The following SLC24A2 variants were observed in gnomAD, a reference collection of about 807,000 sequenced individuals.
The protein encoded by SLC24A2 is sodium/potassium/calcium exchanger 2.
SLC24A2 carries 36 observed loss-of-function variants against 62.0 expected under a neutral mutation model. The ratio of observed to expected loss-of-function variants is 0.58; its 90% CI spans 0.44 to 0.77. The LOEUF (loss-of-function observed/expected upper bound fraction) is 0.77. Among genes scored for constraint, SLC24A2 ranks in the 30% least tolerant of loss-of-function variants. The pLI is 0.00. For missense variants in SLC24A2, 846 were observed against 817.9 expected, an observed-to-expected ratio of 1.03 and a Z score of -0.42; for synonymous variants, 358 against 294.0, an observed-to-expected ratio of 1.22 and a Z score of -2.23.
chr9:19,793,603 T>G (rs978221313), upstream of SLC24A2, among the ~76,000 whole-genome samples: 15 of 152,200 alleles, frequency 9.9e-5, no homozygotes, highest in African/African-American at 3.6e-4. Flanking sequence ...GCTAATCTCT[T>G]TTCAATCTCA....
At chr9:20,001,978 T>G in the SLC24A2 span, among the ~76,000 whole-genome samples, 1 of 152,202 alleles carries the variant, frequency 6.6e-6, no homozygotes, top group Non-Finnish European at 1.5e-5. Flanking sequence ...GTGAGTTTAA[T>G]ACAGCATTTC....
chr9:20,228,763 AG>A, the SLC24A2 span, among the ~76,000 whole-genome samples: 1 of 152,138 alleles, frequency 6.6e-6, no homozygotes, highest in African/African-American at 2.4e-5. Context: ...ATCCATGTGT[AG>A]CTCAAAGTAT....
the SLC24A2 span, among the ~76,000 whole-genome samples, chr9:20,180,251 C>T: frequency 6.6e-6 from 1 of 152,106 alleles, no homozygotes. Context: ...ACTAATAACA[C>T]CTGATTCAAG....
At chr9:19,622,449 A>T in intron 2 of SLC24A2, 150 bp from the exon 3 acceptor site, 1 of 745,392 alleles carries the variant, frequency 1.3e-6, no homozygotes, top group South Asian at 1.5e-5. Context: ...ACAGGGGACT[A>T]AGGATGTATA....
At chr9:20,181,963 C>T in the SLC24A2 span, among the ~76,000 whole-genome samples, 1 of 152,096 alleles carries the variant, frequency 6.6e-6, no homozygotes, top group Non-Finnish European at 1.5e-5. Flanking sequence ...GAAAAGTGGG[C>T]AAAGGATATG....
the SLC24A2 span, among the ~76,000 whole-genome samples, chr9:20,214,637 A>T: frequency 4.7e-4 from 72 of 152,234 alleles, no homozygotes; most frequent in East Asian, 6.4e-3. Flanking sequence ...AATAAAAAAA[A>T]AAATTGTTAA....
At chr9:19,552,959 G>A (rs190948478) in intron 7 of SLC24A2, among the ~76,000 whole-genome samples, 2 of 152,304 alleles carry the variant, frequency 1.3e-5, no homozygotes, top group Admixed American at 1.3e-4. Context: ...TGTTGCTAGG[G>A]CAGAAATGGA....
At chr9:20,013,061 TC>T in the SLC24A2 span, among the ~76,000 whole-genome samples, 1 of 152,046 alleles carries the variant, frequency 6.6e-6, no homozygotes, top group Non-Finnish European at 1.5e-5. Flanking sequence ...CAATTCTAAA[TC>T]CATTTGAAAC....
At chr9:20,288,803 C>T in the SLC24A2 span, among the ~76,000 whole-genome samples, 1 of 151,168 alleles carries the variant, frequency 6.6e-6, no homozygotes, top group Non-Finnish European at 1.5e-5. Flanking sequence ...TCCCAGGCTA[C>T]GTTACCTCTC....
intron 10 of SLC24A2, 111 bp downstream of exon 10, chr9:19,520,783 G>T: frequency 2.2e-6 from 2 of 922,234 alleles, no homozygotes; most frequent in Non-Finnish European, 3.6e-6. Flanking sequence ...ACTCTGTATT[G>T]GTATTGGTTA....
At chr9:19,845,991 A>G in the SLC24A2 span, among the ~76,000 whole-genome samples, 1 of 151,846 alleles carries the variant, frequency 6.6e-6, no homozygotes, top group African/African-American at 2.4e-5. Flanking sequence ...GAGTTTATTG[A>G]GACCTGCTTT....
intron 2 of SLC24A2, among the ~76,000 whole-genome samples, chr9:19,731,466 C>T (rs146335038): frequency 6.6e-6 from 1 of 150,940 alleles, no homozygotes; most frequent in East Asian, 2.0e-4. Flanking sequence ...TATTTGTGTC[C>T]CTATAAAAAG....
intron 2 of SLC24A2, among the ~76,000 whole-genome samples, chr9:19,702,012 G>C (rs1820370793): frequency 6.6e-6 from 1 of 151,950 alleles, no homozygotes; most frequent in Non-Finnish European, 1.5e-5. Flanking sequence ...TTTTCATTCT[G>C]GCTATAAAAA....
chr9:20,136,110 C>T, the SLC24A2 span, among the ~76,000 whole-genome samples: 6 of 152,052 alleles, frequency 3.9e-5, no homozygotes, highest in South Asian at 2.1e-4. Flanking sequence ...GTAAACCCCA[C>T]GACAGAAGCC....
the SLC24A2 span, among the ~76,000 whole-genome samples, chr9:20,176,713 G>C: frequency 6.6e-6 from 1 of 152,008 alleles, no homozygotes; most frequent in Non-Finnish European, 1.5e-5. Context: ...GGTCTACTTT[G>C]CTTGTAAACG....
At chr9:19,723,621 C>T (rs185294444) in intron 2 of SLC24A2, among the ~76,000 whole-genome samples, 14 of 152,112 alleles carry the variant, frequency 9.2e-5, no homozygotes, top group Admixed American at 5.9e-4. Flanking sequence ...CAAGAAATAT[C>T]GGGGCTATTA....
At chr9:20,276,361 A>C in the SLC24A2 span, among the ~76,000 whole-genome samples, 1 of 152,234 alleles carries the variant, frequency 6.6e-6, no homozygotes, top group African/African-American at 2.4e-5. Context: ...TTAAAGCTCC[A>C]AAATGATCTC....
At chr9:20,122,713 A>C in the SLC24A2 span, among the ~76,000 whole-genome samples, 1 of 152,150 alleles carries the variant, frequency 6.6e-6, no homozygotes, top group Non-Finnish European at 1.5e-5. Flanking sequence ...ACAACAACAA[A>C]AAAACTCTAC....
At chr9:20,005,587 C>T in the SLC24A2 span, among the ~76,000 whole-genome samples, 1 of 151,860 alleles carries the variant, frequency 6.6e-6, no homozygotes, top group Non-Finnish European at 1.5e-5. Context: ...CATTTTTTAC[C>T]TAGTTCATTA....
Sources: allele counts gnomAD v4.1 joint callset (sites outside exome capture counted in the v4.1 genomes callset), GRCh38; gene constraint gnomAD v4.1.1; transcripts MANE v1.5; gene names NCBI Gene and HGNC (gene_info 2026-07-23, HGNC 2026-07-21).